Variants in FAAP100 observed in about 807,000 individuals in gnomAD.
FAAP100 encodes FA core complex associated protein 100.
Under a neutral mutation model 65.8 loss-of-function variants are expected in FAAP100, and 46 were observed. The ratio of observed to expected loss-of-function variants is 0.70; its 90% CI spans 0.55 to 0.89. The LOEUF (loss-of-function observed/expected upper bound fraction) is 0.89. FAAP100 is among the 40% of genes least tolerant of loss of function. The probability of loss-of-function intolerance (pLI) is 0.00; values close to 1 mark genes in which losing one functional copy is unlikely to be tolerated. For synonymous variants in FAAP100, 663 were observed against 555.1 expected, an observed-to-expected ratio of 1.19 and a Z score of -2.73; for missense variants, 1,165 against 1,196.7, an observed-to-expected ratio of 0.97 and a Z score of 0.39.
At chr17:81,543,460 G>C (rs1404727929) in intron 7 of FAAP100, among the ~76,000 whole-genome samples, 2 of 152,188 alleles carry the variant, frequency 1.3e-5, no homozygotes, top group East Asian at 1.9e-4. Context: ...TTGGAACTTG[G>C]AGAGCTTCTT....
rs2033015362 is a variant in FAAP100 at position 81,539,954 on chromosome 17, A to G, written c.*865T>C. On this transcript the variant is annotated 3_prime_UTR_variant, in exon 9 of 9. Coordinates refer to ENST00000327787, the MANE Select transcript of FAAP100 (RefSeq NM_025161.6). Reference sequence around the variant, plus strand: ...CACCTCACGGCTCCTACCCGCACTCATCGCGGACAGTGCCTGCAGCGGGAG... The same window carrying G: ...CACCTCACGGCTCCTACCCGCACTCGTCGCGGACAGTGCCTGCAGCGGGAG... The G allele has an allele frequency of 5.0e-6, 2 of 398,732 alleles. No individual in the cohort carries two copies. The highest frequency in any genetic ancestry group is 4.4e-6 in the Non-Finnish European group (1 of 226,152). 24.7% of individuals were successfully genotyped at this position (398,732 alleles called of 1,614,324 possible). A position where few individuals can be genotyped will look rare whatever the true frequency, so the allele number is the denominator to read the frequency against.
Position 81,540,241 on chromosome 17 carries a change from A to G in FAAP100, c.*578T>C, listed in dbSNP as rs1373158620. 5.0e-6 allele frequency: 2 copies of G among 398,966 alleles called. No individual in the cohort carries two copies. The highest frequency in any genetic ancestry group is 8.8e-6 in the Non-Finnish European group (2 of 226,160). The allele number at this position is 398,966 out of a possible 1,614,324, so 24.7% of individuals were successfully genotyped here. On this transcript the variant is annotated 3_prime_UTR_variant, in exon 9 of 9. Coordinates refer to ENST00000327787, the MANE Select transcript of FAAP100 (RefSeq NM_025161.6). ...ACGGGCACTTGCAGGAGCTCCCTGC[A>G]TGCTGTTTTGTGCTTTGGTCTCAGG...
Position 81,551,000 on chromosome 17 carries a change from C to A in FAAP100, c.494G>T (p.Arg165Leu), listed in dbSNP as rs142650151. The A allele has an allele frequency of 7.4e-6, 12 of 1,611,466 alleles. No homozygotes were observed. Among genetic ancestry groups the A allele is most frequent in the Non-Finnish European group, 8.5e-6 (10 of 1,179,396 alleles). Residue 165 changes from arginine to leucine, a missense_variant, in exon 3 of 9, where the codon CGG becomes CTG. Transcript: ENST00000327787. ...CACCTCACCGATCTGGCCTCCTGGC[C>A]GGGGGTCCTCCCCAGGACAGGGCTG... is the stretch of plus-strand genomic sequence containing the variant. ...FEQPCPGEDP[R>L]PGGQIGEVEL... is the part of the protein sequence containing the mutation.
chr17:81,541,995 G>A (rs187183608), intron 7 of FAAP100, among the ~76,000 whole-genome samples: 2,422 of 151,164 alleles, frequency 0.016, 72 homozygotes, highest in African/African-American at 0.056. Context: ...GTGAAACCCC[G>A]TCTCTACTAA....
chr17:81,549,949 G>A (rs1003494987), intron 3 of FAAP100, among the ~76,000 whole-genome samples: 2 of 152,118 alleles, frequency 1.3e-5, no homozygotes, highest in South Asian at 2.1e-4. Context: ...CCCAGGAGGC[G>A]CTTGCGGTGG....
chr17:81,543,118 G>A (rs553160916), intron 7 of FAAP100, among the ~76,000 whole-genome samples: 2 of 152,254 alleles, frequency 1.3e-5, no homozygotes, highest in Non-Finnish European at 2.9e-5. Context: ...GTGAGTTGAT[G>A]TGTTCATTGG....
Position 81,550,671 on chromosome 17 carries a change from G to C in FAAP100, c.823C>G (p.Leu275Val), listed in dbSNP as rs763940159. Residue 275 changes from leucine (L) to valine (V), a missense_variant, in exon 3 of 9, where the codon CTC (leucine) becomes GTC (valine). Leu to Val is a conservative substitution (Grantham distance 32). Coordinates refer to ENST00000327787, the MANE Select transcript of FAAP100 (RefSeq NM_025161.6). Reference sequence around the variant, plus strand: ...ATGACGGGCTCCTCCAGGTGATGGAGGATCTTGACAAGGGCATTTGGGTCA... The same window carrying C: ...ATGACGGGCTCCTCCAGGTGATGGACGATCTTGACAAGGGCATTTGGGTCA... ...PGDPNALVKI[L>V]HHLEEPVIFI... The C allele has an allele frequency of 6.2e-7, 1 of 1,613,070 alleles. No individual in the cohort carries two copies. Among genetic ancestry groups the C allele is most frequent in the South Asian group, 1.1e-5 (1 of 91,086 alleles).
chr17:81,541,416 G>A, intron 7 of FAAP100, 21 bp from the exon 8 acceptor site: 1 of 1,577,600 alleles, frequency 6.3e-7, no homozygotes, highest in Non-Finnish European at 8.7e-7. Context: ...CAGGAGACAT[G>A]CTGGAGAGGG....
intron 7 of FAAP100, among the ~76,000 whole-genome samples, chr17:81,542,602 G>A (rs2033156775): frequency 6.6e-6 from 1 of 152,164 alleles, no homozygotes; most frequent in African/African-American, 2.4e-5. Flanking sequence ...ACTAAGGTCT[G>A]CAGCCTGAGA....
rs770609192 is a variant in FAAP100, at chr17:81,547,430, G to A, written c.1652C>T (p.Ser551Phe). ...GGCCGAGTCCAGGTCGAGAGCACAGGAGCTGGTGAGCACCTGGATGCACAG... is the reference window on the plus strand; with the variant it reads ...GGCCGAGTCCAGGTCGAGAGCACAGAAGCTGGTGAGCACCTGGATGCACAG... ...WTLCIQVLTS[S>F]CALDLDSACS... Residue 551 changes from serine to phenylalanine, a missense_variant, in exon 5 of 9, where the codon TCC becomes TTC. Coordinates refer to ENST00000327787, the MANE Select transcript of FAAP100 (RefSeq NM_025161.6). 1.2e-6 allele frequency: 2 copies of A among 1,613,000 alleles called. No homozygotes were observed. The highest frequency in any genetic ancestry group is 1.1e-5 in the South Asian group (1 of 91,090).
rs2033026212 is a variant in FAAP100, at chr17:81,540,135, T to C, written c.*684A>G. ...GAAAATAGTGCACAGTGCTGGGTACTGCCCCGGCTGGAGGCACCTAGTTGT... is the reference window on the plus strand; with the variant it reads ...GAAAATAGTGCACAGTGCTGGGTACCGCCCCGGCTGGAGGCACCTAGTTGT... On this transcript the variant is annotated 3_prime_UTR_variant, in exon 9 of 9. Transcript: ENST00000327787. 2.5e-6 allele frequency: 1 copy of C among 398,658 alleles called. No individual in the cohort carries two copies. The highest frequency in any genetic ancestry group is 4.4e-5 in the Admixed American group (1 of 22,742). The allele number at this position is 398,658 out of a possible 1,614,324, so 24.7% of individuals were successfully genotyped here.
Position 81,540,525 on chromosome 17 carries a change from AG to A in FAAP100, c.*293del, listed in dbSNP as rs1446781327. On this transcript the variant is annotated 3_prime_UTR_variant, in exon 9 of 9. Coordinates refer to ENST00000327787, the MANE Select transcript of FAAP100 (RefSeq NM_025161.6). ...GTGGTGGGAAGGCTGCCCAGCAGTG[AG>A]GAAGGCGAGTGCAGGGGCTGCGGCC... 6 of 422,220 alleles carry A rather than the reference AG, an allele frequency of 1.4e-5. No homozygotes were observed. The highest frequency in any genetic ancestry group is 1.2e-4 in the African/African-American group (6 of 49,270). 26.2% of individuals were successfully genotyped at this position (422,220 alleles called of 1,614,324 possible). A position where few individuals can be genotyped will look rare whatever the true frequency, so the allele number is the denominator to read the frequency against.
At position 81,547,081 on chromosome 17, in the gene FAAP100, G is replaced by A; in HGVS notation, c.2001C>T (p.Ser667=). 9.1e-6 allele frequency: 14 copies of A among 1,537,778 alleles called. No individual in the cohort carries two copies. Among genetic ancestry groups the A allele is most frequent in the Non-Finnish European group, 1.2e-5 (14 of 1,142,368 alleles). The change falls in exon 5 of 9, where the codon TCC becomes TCT. Residue 667 remains serine, a synonymous_variant. Coordinates refer to ENST00000327787, the MANE Select transcript of FAAP100 (RefSeq NM_025161.6). ...CAGGGTCTCGGGTGGGGCCGAGTGG[G>A]GAGGGGGCCCGTGTGTGTGGCGGGG... is the stretch of plus-strand genomic sequence containing the variant. The part of the protein sequence containing the change: ...GLAPPHTRAP[S]PLGPTRDPVA...
chr17:81,548,418 C>T (rs370378229), intron 4 of FAAP100: 11 of 200,768 alleles, frequency 5.5e-5, no homozygotes, highest in African/African-American at 1.4e-4. Flanking sequence ...AACAGTGGGA[C>T]GCATGAGGCT....
intron 6 of FAAP100, among the ~76,000 whole-genome samples, chr17:81,544,740 G>A (rs910017761): frequency 6.6e-6 from 1 of 152,228 alleles, no homozygotes; most frequent in Non-Finnish European, 1.5e-5. Flanking sequence ...GCCCAGAGAG[G>A]ACACAGTCAC....
chr17:81,551,316 A>G, intron 2 of FAAP100, 113 bp from the exon 3 acceptor site: 2 of 1,063,640 alleles, frequency 1.9e-6, no homozygotes, highest in Non-Finnish European at 2.6e-6. Context: ...AGTGACCCCC[A>G]AGGCCGCTCA....
At position 81,552,072 on chromosome 17, in the gene FAAP100, T is replaced by TCAGGCCGACGCGACGCGCGGGC. The variant is rs1386602682; in HGVS notation, c.166-42_166-21dup. 1 of 1,478,900 alleles carries TCAGGCCGACGCGACGCGCGGGC rather than the reference T, an allele frequency of 6.8e-7. No individual in the cohort carries two copies. The highest frequency in any genetic ancestry group is 8.9e-7 in the Non-Finnish European group (1 of 1,125,858). 91.6% of individuals were successfully genotyped at this position (1,478,900 alleles called of 1,614,324 possible). ...CGCCGCCTGCGGACCGGGGCGCGGG[T>TCAGGCCGACGCGACGCGCGGGC]CAGGCCGACGCGACGCGCGGGCCCG... is the stretch of plus-strand genomic sequence containing the variant. On this transcript the variant is annotated intron_variant, in intron 1 of 8. Transcript: ENST00000327787.
rs116625459 is a variant in FAAP100, at chr17:81,550,170, C to T, written c.1246+78G>A. The T allele has an allele frequency of 9.0e-4, 1,209 of 1,338,892 alleles. 9 individuals are homozygous for T. In the African/African-American group the frequency reaches 0.012, roughly 13 times the overall value. The allele number at this position is 1,338,892 out of a possible 1,614,324, so 82.9% of individuals were successfully genotyped here. A position where few individuals can be genotyped will look rare whatever the true frequency, so the allele number is the denominator to read the frequency against. On this transcript the variant is annotated intron_variant, in intron 3 of 8. Transcript: ENST00000327787. ...AAAGAACAAGCCCAGGAAAGGAAGG[C>T]GGCCTGATAGTAGCAGACAGCCAAA... is the stretch of plus-strand genomic sequence containing the variant.
At position 81,540,700 on chromosome 17, in the gene FAAP100, T is replaced by A. The variant is rs769576386; in HGVS notation, c.*119A>T. 102 of 1,311,618 alleles carry A rather than the reference T, an allele frequency of 7.8e-5. No individual in the cohort carries two copies. Among genetic ancestry groups the A allele is most frequent in the Admixed American group, 2.9e-4 (9 of 31,354 alleles). The allele number at this position is 1,311,618 out of a possible 1,614,324, so 81.2% of individuals were successfully genotyped here. A position where few individuals can be genotyped will look rare whatever the true frequency, so the allele number is the denominator to read the frequency against. ...AGCGTTCTGCTCCTACGTGGCCAGG[T>A]CCTACCTTCCCTGACGGCTCTGGCC... On this transcript the variant is annotated 3_prime_UTR_variant, in exon 9 of 9. Coordinates refer to ENST00000327787, the MANE Select transcript of FAAP100 (RefSeq NM_025161.6).
Sources: gnomAD v4.1 joint callset for allele counts (sites outside exome capture counted in the v4.1 genomes callset) on GRCh38, gnomAD v4.1.1 for gene constraint, MANE v1.5 for transcripts, NCBI Gene and HGNC (gene_info 2026-07-23, HGNC 2026-07-21) for gene names.